Variants in DCLK1 observed in about 807,000 individuals in gnomAD.
The protein encoded by DCLK1 is serine/threonine-protein kinase DCLK1.
In DCLK1, 16 loss-of-function variants were observed where a neutral mutation model predicts 86.2. The observed-to-expected ratio is 0.19, with a 90% confidence interval of 0.13 to 0.28. The LOEUF is 0.28. Among genes scored for constraint, DCLK1 ranks in the 10% least tolerant of loss-of-function variants. The pLI is 1.00. For missense variants in DCLK1, 590 were observed against 940.2 expected (o/e 0.63, Z 4.87); for synonymous variants, 369 against 370.5 (o/e 1.00, Z 0.05).
rs991020439 is a variant in DCLK1 at position 35,769,462 on chromosome 13, A to T, written c.*5073T>A. 2 of 152,004 alleles carry T rather than the reference A, an allele frequency of 1.3e-5. No individual in the cohort carries two copies. Among genetic ancestry groups the T allele is most frequent in the Non-Finnish European group, 2.9e-5 (2 of 68,006 alleles). The allele number at this position is 152,004 out of a possible 1,614,324, so 9.4% of individuals were successfully genotyped here. A position where few individuals can be genotyped will look rare whatever the true frequency, so the allele number is the denominator to read the frequency against. On this transcript the variant is annotated 3_prime_UTR_variant, in exon 17 of 17. Coordinates refer to ENST00000360631, the MANE Select transcript of DCLK1 (RefSeq NM_001330071.2). ...AGGCTAGTATTAATTTCCTAATAAA[A>T]TTTTTTTTCAAAAGTTATCGAGGAT...
chr13:35,802,845 T>C (rs1301998613), intron 15 of DCLK1, among the ~76,000 whole-genome samples: 1 of 152,188 alleles, frequency 6.6e-6, no homozygotes, highest in East Asian at 1.9e-4. Flanking sequence ...CATTTTGTCA[T>C]ACAGCATTAA....
chr13:36,069,470 C>T (rs1021296897), intron 3 of DCLK1, among the ~76,000 whole-genome samples: 1 of 152,206 alleles, frequency 6.6e-6, no homozygotes, highest in Non-Finnish European at 1.5e-5. Context: ...TGAGGCTCCA[C>T]ATATCAGGCC....
chr13:35,911,266 C>A (rs2153124749), intron 4 of DCLK1, among the ~76,000 whole-genome samples: 1 of 151,402 alleles, frequency 6.6e-6, no homozygotes, highest in South Asian at 2.1e-4. Flanking sequence ...TGCACTCCAG[C>A]CTGGGTGACA....
intron 3 of DCLK1, among the ~76,000 whole-genome samples, chr13:36,080,136 T>C (rs1884369498): frequency 2.0e-5 from 3 of 152,140 alleles, no homozygotes. Context: ...TTTCTACAGC[T>C]TTTGGAGATT....
chr13:36,064,993 T>C (rs1007011897), intron 3 of DCLK1, among the ~76,000 whole-genome samples: 2 of 152,202 alleles, frequency 1.3e-5, no homozygotes, highest in Admixed American at 6.5e-5. Context: ...AGCACTCTTC[T>C]GTAAAAAAAT....
intron 2 of DCLK1, among the ~76,000 whole-genome samples, chr13:36,118,177 C>G (rs566962778): frequency 3.9e-5 from 6 of 152,124 alleles, no homozygotes; most frequent in African/African-American, 1.4e-4. Context: ...CATGATCAGC[C>G]CTGGGTGATA....
intron 8 of DCLK1, among the ~76,000 whole-genome samples, chr13:35,830,979 C>T (rs887926463): frequency 2.4e-4 from 37 of 151,820 alleles, no homozygotes; most frequent in African/African-American, 8.5e-4. Context: ...ACCCCCTTTA[C>T]AGCCAGCCAG....
intron 3 of DCLK1, among the ~76,000 whole-genome samples, chr13:36,046,542 C>G (rs1882921262): frequency 6.6e-6 from 1 of 152,196 alleles, no homozygotes; most frequent in Non-Finnish European, 1.5e-5. Flanking sequence ...GCTGTGCCAG[C>G]ACAGAGCACA....
rs145378492 is a variant in DCLK1, at chr13:36,005,103, A to T, written c.724-57646T>A. On this transcript the variant is annotated intron_variant, in intron 3 of 16. Coordinates refer to ENST00000360631, the MANE Select transcript of DCLK1 (RefSeq NM_001330071.2). ...GCCACTGTATATGATTTTTGCCATTAAAAAAACTGCCAAAACTGCAGTCAA... is the reference window on the plus strand; with the variant it reads ...GCCACTGTATATGATTTTTGCCATTTAAAAAACTGCCAAAACTGCAGTCAA... 1.4e-4 allele frequency among the ~76,000 whole-genome samples: 21 copies of T among 152,230 alleles called. 1 individual carries two copies. The East Asian group carries it at 3.9e-3, about 28-fold the overall frequency.
intron 4 of DCLK1, among the ~76,000 whole-genome samples, chr13:35,871,658 G>A (rs992703077): frequency 6.7e-6 from 1 of 150,022 alleles, no homozygotes; most frequent in South Asian, 2.1e-4. Context: ...CACTCCTTGA[G>A]TTATCTGTAT....
intron 4 of DCLK1, among the ~76,000 whole-genome samples, chr13:35,937,194 C>T (rs1032849852): frequency 4.6e-5 from 7 of 151,460 alleles, no homozygotes; most frequent in African/African-American, 1.2e-4. Context: ...AGAATGGTCT[C>T]GATCTCCTGA....
chr13:35,874,954 G>A lies in DCLK1; in HGVS notation c.824-3614C>T, dbSNP rs143199701. On this transcript the variant is annotated intron_variant, in intron 4 of 16. Coordinates refer to ENST00000360631, the MANE Select transcript of DCLK1 (RefSeq NM_001330071.2). ...CGCCGGCCCATTGGCATGCTTCCTC[G>A]TACATTTTTATCACGTGGCCACTAC... Among the ~76,000 whole-genome samples the A allele has an allele frequency of 1.9e-3, 289 of 152,298 alleles. 2 individuals are homozygous for A. The highest frequency in any genetic ancestry group is 6.6e-3 in the African/African-American group (273 of 41,562).
At chr13:35,861,764 C>T (rs1252258399) in intron 5 of DCLK1, among the ~76,000 whole-genome samples, 2 of 151,940 alleles carry the variant, frequency 1.3e-5, no homozygotes, top group African/African-American at 2.4e-5. Flanking sequence ...CAGTGGCTCA[C>T]GCCTGAAATC....
chr13:35,974,986 A>G (rs190739810), intron 3 of DCLK1, among the ~76,000 whole-genome samples: 25 of 152,362 alleles, frequency 1.6e-4, no homozygotes, highest in Admixed American at 1.3e-3. Flanking sequence ...ATTTCAGTCA[A>G]CAGCCCTTTG....
intron 4 of DCLK1, among the ~76,000 whole-genome samples, chr13:35,933,401 C>G (rs1876566843): frequency 6.6e-6 from 1 of 152,224 alleles, no homozygotes; most frequent in Non-Finnish European, 1.5e-5. Context: ...TGTGTGAGGG[C>G]TCTGACCCCA....
At chr13:36,004,580 T>C (rs1382508893) in intron 3 of DCLK1, among the ~76,000 whole-genome samples, 1 of 152,148 alleles carries the variant, frequency 6.6e-6, no homozygotes, top group Non-Finnish European at 1.5e-5. Flanking sequence ...TTTTTTGTTG[T>C]TGTTGTTGTT....
chr13:35,851,876 A>G (rs1391255380), intron 6 of DCLK1, among the ~76,000 whole-genome samples: 1 of 152,182 alleles, frequency 6.6e-6, no homozygotes. Context: ...ATAAGTAAAA[A>G]CTAGATTTTC....
intron 11 of DCLK1, 92 bp from the exon 12 acceptor site, chr13:35,811,060 T>G: frequency 1.3e-6 from 2 of 1,515,330 alleles, no homozygotes; most frequent in South Asian, 1.2e-5. Context: ...TTAAATTTAA[T>G]GTATAGGAGG....
At chr13:35,780,509 C>T (rs1265367510) in intron 16 of DCLK1, among the ~76,000 whole-genome samples, 5 of 152,074 alleles carry the variant, frequency 3.3e-5, no homozygotes, top group African/African-American at 1.2e-4. Context: ...CCAGTGGTAA[C>T]CAAGGATGCA....
Sources: gnomAD v4.1 joint callset for allele counts (sites outside exome capture counted in the v4.1 genomes callset) on GRCh38, gnomAD v4.1.1 for gene constraint, MANE v1.5 for transcripts, NCBI Gene and HGNC (gene_info 2026-07-23, HGNC 2026-07-21) for gene names.